MGAT5: variants seen among roughly 807,000 people sequenced by gnomAD.
The protein encoded by MGAT5 is alpha-1,6-mannosylglycoprotein 6-beta-N-acetylglucosaminyltransferase, also known as alpha-1,6-mannosylglycoprotein 6-beta-N-acetylglucosaminyltransferase A.
MGAT5 carries 30 observed loss-of-function variants against 94.3 expected under a neutral mutation model. The observed-to-expected ratio is 0.32, with a 90% CI of 0.24 to 0.43. The LOEUF (loss-of-function observed/expected upper bound fraction) is 0.43, where lower values mean the gene tolerates loss of function less well. Ranked by LOEUF, MGAT5 falls within the 20% of genes least tolerant of loss-of-function variation. MGAT5 has a pLI of 1.00. For missense variants in MGAT5, 691 were observed against 905.5 expected, an observed-to-expected ratio of 0.76 and a Z score of 3.04; for synonymous variants, 310 against 322.9, an observed-to-expected ratio of 0.96 and a Z score of 0.43.
rs577056499 is a variant in MGAT5, at chr2:134,358,393, T to C, written c.1247-3882T>C. 2.6e-5 allele frequency among the ~76,000 whole-genome samples: 4 copies of C among 152,322 alleles called. No individual in the cohort carries two copies. In the South Asian group the frequency reaches 8.3e-4, roughly 32 times the overall value. ...AAAAAAGTTTTAATCTGAGGATATA[T>C]TTCTGTTATAATGAGGAAAACCAAT... is the stretch of plus-strand genomic sequence containing the variant. On this transcript the variant is annotated intron_variant, in intron 9 of 15. Coordinates refer to ENST00000281923, the MANE Select transcript of MGAT5 (RefSeq NM_002410.5).
chr2:134,153,870 T>C (rs1161113787), intron 1 of MGAT5, among the ~76,000 whole-genome samples: 1 of 152,184 alleles, frequency 6.6e-6, no homozygotes, highest in Non-Finnish European at 1.5e-5. Flanking sequence ...CTATGAGGGT[T>C]AAGGCCCAGA....
chr2:134,440,351 C>T (rs1685415779), intron 14 of MGAT5, among the ~76,000 whole-genome samples: 1 of 152,150 alleles, frequency 6.6e-6, no homozygotes, highest in Admixed American at 6.5e-5. Flanking sequence ...CTGGTCGGGC[C>T]CACTGTCTGT....
At chr2:134,212,998 C>T (rs1027403280) in intron 1 of MGAT5, among the ~76,000 whole-genome samples, 2 of 152,188 alleles carry the variant, frequency 1.3e-5, no homozygotes, top group Non-Finnish European at 2.9e-5. Context: ...TTTGTCTCAT[C>T]TTCTCCTTGA....
At chr2:134,293,521 T>A (rs1224835281) in intron 2 of MGAT5, among the ~76,000 whole-genome samples, 2 of 151,966 alleles carry the variant, frequency 1.3e-5, no homozygotes, top group Non-Finnish European at 2.9e-5. Flanking sequence ...TAGGCTGGAG[T>A]GTAGTGGTGC....
intron 10 of MGAT5, among the ~76,000 whole-genome samples, chr2:134,394,127 A>G (rs558425910): frequency 9.9e-5 from 15 of 152,260 alleles, no homozygotes; most frequent in African/African-American, 3.6e-4. Context: ...CCAGATTTCT[A>G]CATAATTACT....
intron 4 of MGAT5, among the ~76,000 whole-genome samples, chr2:134,324,378 T>G (rs1351577316): frequency 6.6e-6 from 1 of 152,192 alleles, no homozygotes; most frequent in Admixed American, 6.5e-5. Flanking sequence ...CTTGTCAATC[T>G]AGTTCTTATA....
intron 1 of MGAT5, among the ~76,000 whole-genome samples, chr2:134,213,259 A>G (rs373258802): frequency 6.6e-6 from 1 of 152,174 alleles, no homozygotes; most frequent in Non-Finnish European, 1.5e-5. Flanking sequence ...AGTTGTGTTC[A>G]ATCAGATACT....
At chr2:134,166,583 T>C (rs10153536) in intron 1 of MGAT5, among the ~76,000 whole-genome samples, 32,221 of 152,168 alleles carry the variant, frequency 0.21, 8,054 homozygotes, top group African/African-American at 0.61. Flanking sequence ...TGGCATTAAG[T>C]GCGAGATTAA....
intron 10 of MGAT5, among the ~76,000 whole-genome samples, chr2:134,386,868 G>A (rs1682012237): frequency 6.6e-6 from 1 of 152,100 alleles, no homozygotes; most frequent in Non-Finnish European, 1.5e-5. Flanking sequence ...TGTATATATG[G>A]GATATCTCAA....
chr2:134,412,557 G>T (rs1242541739), intron 11 of MGAT5, among the ~76,000 whole-genome samples: 1 of 151,950 alleles, frequency 6.6e-6, no homozygotes, highest in Non-Finnish European at 1.5e-5. Flanking sequence ...GGTGGTGGTG[G>T]TTGTTTTTCT....
chr2:134,373,488 A>G (rs1004911392), intron 10 of MGAT5, among the ~76,000 whole-genome samples: 2 of 152,354 alleles, frequency 1.3e-5, no homozygotes, highest in East Asian at 3.9e-4. Context: ...ATTTATAAGA[A>G]TGAGGTAATT....
chr2:134,236,475 C>T (rs935828674), intron 1 of MGAT5, among the ~76,000 whole-genome samples: 3 of 152,066 alleles, frequency 2.0e-5, no homozygotes, highest in African/African-American at 4.8e-5. Context: ...ATCACAGAGA[C>T]GGTTACCCTT....
chr2:134,187,777 A>G (rs942916980), intron 1 of MGAT5, among the ~76,000 whole-genome samples: 1 of 152,254 alleles, frequency 6.6e-6, no homozygotes, highest in African/African-American at 2.4e-5. Flanking sequence ...CTCATTATAT[A>G]ATTTTTATTT....
Position 134,381,033 on chromosome 2 carries a change from C to T in MGAT5, c.1380+18625C>T, listed in dbSNP as rs1218583150. Among the ~76,000 whole-genome samples the T allele has an allele frequency of 3.3e-5, 5 of 151,916 alleles. No homozygotes were observed. The East Asian group carries it at 5.8e-4, about 18-fold the overall frequency. ...CCTTTCTTGCTCTTTTTAAAATCCA[C>T]CTACCTCCCCCCATCCCAAATTCCG... On this transcript the variant is annotated intron_variant, in intron 10 of 15. Coordinates refer to ENST00000281923, the MANE Select transcript of MGAT5 (RefSeq NM_002410.5).
At chr2:134,293,306 G>A (rs1558766359) in intron 2 of MGAT5, among the ~76,000 whole-genome samples, 1 of 152,158 alleles carries the variant, frequency 6.6e-6, no homozygotes, top group Non-Finnish European at 1.5e-5. Context: ...GGTTACTTGT[G>A]CTGTGATTTT....
intron 1 of MGAT5, among the ~76,000 whole-genome samples, chr2:134,189,605 T>TG (rs1689248826): frequency 1.9e-5 from 2 of 106,624 alleles, no homozygotes; most frequent in African/African-American, 4.4e-5. Flanking sequence ...TTTTTTTGTT[T>TG]TTTTTTTTTT....
rs556402827 is a variant in MGAT5, at chr2:134,320,654, A to G, written c.573+1915A>G. On this transcript the variant is annotated intron_variant, in intron 4 of 15. Coordinates refer to ENST00000281923, the MANE Select transcript of MGAT5 (RefSeq NM_002410.5). ...CTGTTGCTGTTGTTATTTGACCAAT[A>G]ATAACAGCTGGTGATGCCATGCAGG... Among the ~76,000 whole-genome samples, 19 of 152,252 alleles carry G rather than the reference A, an allele frequency of 1.2e-4. No homozygotes were observed. In the East Asian group the frequency reaches 3.7e-3, roughly 29 times the overall value.
intron 1 of MGAT5, among the ~76,000 whole-genome samples, chr2:134,132,255 T>C (rs1344028725): frequency 6.6e-6 from 1 of 152,242 alleles, no homozygotes. Flanking sequence ...TAGAAAACCA[T>C]TAAAATCCTT....
intron 10 of MGAT5, among the ~76,000 whole-genome samples, chr2:134,379,979 T>G (rs1210777539): frequency 6.6e-6 from 1 of 152,226 alleles, no homozygotes; most frequent in Non-Finnish European, 1.5e-5. Flanking sequence ...TTTTCTCACC[T>G]GTAAAACAAG....
Sources: gnomAD v4.1 joint callset for allele counts (sites outside exome capture counted in the v4.1 genomes callset) on GRCh38, gnomAD v4.1.1 for gene constraint, MANE v1.5 for transcripts, NCBI Gene and HGNC (gene_info 2026-07-23, HGNC 2026-07-21) for gene names.